NAMPT: variants seen among roughly 807,000 people sequenced by gnomAD.
NAMPT encodes nicotinamide phosphoribosyltransferase.
In NAMPT, 7 loss-of-function variants were observed where a neutral mutation model predicts 58.7. The ratio of observed to expected loss-of-function variants is 0.12; its 90% CI spans 0.07 to 0.22. The LOEUF (loss-of-function observed/expected upper bound fraction) is 0.22. Among genes scored for constraint, NAMPT ranks in the 10% least tolerant of loss-of-function variants. The pLI is 1.00. For missense variants in NAMPT, 271 were observed against 567.9 expected, an observed-to-expected ratio of 0.48 and a Z score of 5.31; for synonymous variants, 145 against 198.1, an observed-to-expected ratio of 0.73 and a Z score of 2.25.
At chr7:106,282,657 A>G (rs1170716824) in intron 1 of NAMPT, among the ~76,000 whole-genome samples, 2 of 152,246 alleles carry the variant, frequency 1.3e-5, no homozygotes, top group Non-Finnish European at 2.9e-5. Flanking sequence ...TTGACAGGAT[A>G]CAAGACAAAA....
At position 106,264,736 on chromosome 7, in the gene NAMPT, C is replaced by T. The variant is rs144831008; in HGVS notation, c.744-1119G>A. Among the ~76,000 whole-genome samples, 83 of 152,066 alleles carry T rather than the reference C, an allele frequency of 5.5e-4. 1 individual carries two copies. Among genetic ancestry groups the T allele is most frequent in the African/African-American group, 1.7e-3 (72 of 41,506 alleles). On this transcript the variant is annotated intron_variant, in intron 6 of 10. Coordinates refer to ENST00000222553, the MANE Select transcript of NAMPT (RefSeq NM_005746.3). The stretch of plus-strand genomic sequence containing the variant: ...GGTCATTCTCCCTAATTTTCTAGTC[C>T]GCCTCTAATCTGTTCTCCTCAGTAA...
At chr7:106,268,049 T>A (rs1404807326) in intron 6 of NAMPT, among the ~76,000 whole-genome samples, 1 of 151,864 alleles carries the variant, frequency 6.6e-6, no homozygotes. Context: ...CATCTACAAC[T>A]GAAGGTACAG....
At position 106,272,525 on chromosome 7, in the gene NAMPT, T is replaced by C. The variant is rs1208302053; in HGVS notation, c.447+5A>G. 6.2e-7 allele frequency: 1 copy of C among 1,604,764 alleles called. No individual in the cohort carries two copies. The highest frequency in any genetic ancestry group is 1.3e-5 in the African/African-American group (1 of 74,384). On this transcript the variant is annotated splice_donor_5th_base_variant and intron_variant, in intron 4 of 10. Coordinates refer to ENST00000222553, the MANE Select transcript of NAMPT (RefSeq NM_005746.3). Reference sequence around the variant, plus strand: ...TGTTAAATAAGAATTAAAAAAACAATTTACCTCAATCCAATTTGTAAGCCA... The same window carrying C: ...TGTTAAATAAGAATTAAAAAAACAACTTACCTCAATCCAATTTGTAAGCCA...
chr7:106,284,914 G>C lies in NAMPT; in HGVS notation c.-30C>G. The stretch of plus-strand genomic sequence containing the variant: ...GGCCGGAGGACAGGGGCCGCGCGCC[G>C]CGAGCTCCCTGGCGCGGCTGCGAGG... On this transcript the variant is annotated 5_prime_UTR_variant, in exon 1 of 11. Coordinates refer to ENST00000222553, the MANE Select transcript of NAMPT (RefSeq NM_005746.3). 1.3e-6 allele frequency: 2 copies of C among 1,571,926 alleles called. No individual in the cohort carries two copies. Among genetic ancestry groups the C allele is most frequent in the Non-Finnish European group, 1.7e-6 (2 of 1,157,676 alleles).
intron 1 of NAMPT, 115 bp from the exon 2 acceptor site, chr7:106,277,294 T>G: frequency 1.1e-6 from 1 of 877,050 alleles, no homozygotes; most frequent in East Asian, 2.6e-5. Flanking sequence ...TGTTTGCTAT[T>G]AACCAGTTTC....
intron 8 of NAMPT, among the ~76,000 whole-genome samples, chr7:106,256,055 G>A (rs1792193202): frequency 6.6e-6 from 1 of 152,136 alleles, no homozygotes; most frequent in Admixed American, 6.5e-5. Flanking sequence ...TGAATTTTGA[G>A]TCTGGGAAGA....
At chr7:106,272,103 TA>T in intron 4 of NAMPT, 2 of 390,712 alleles carry the variant, frequency 5.1e-6, no homozygotes, top group Admixed American at 3.8e-5. Context: ...TCCTAAGACC[TA>T]AACTGATGAG....
chr7:106,261,659 C>T lies in NAMPT; in HGVS notation c.1018G>A (p.Gly340Ser), dbSNP rs780585001. 1.9e-6 allele frequency: 3 copies of T among 1,599,358 alleles called. No homozygotes were observed. Among genetic ancestry groups the T allele is most frequent in the African/African-American group, 2.7e-5 (2 of 74,520 alleles). ...KKFPVTENSKGYKLLPPYLRV... is the reference protein window; with the variant it reads ...KKFPVTENSKSYKLLPPYLRV... The stretch of plus-strand genomic sequence containing the variant: ...AGATAAGGTGGCAGCAACTTGTAAC[C>T]CTTTGAGTTCTCAGTAACAGGAAAC... Residue 340 changes from glycine to serine, a missense_variant, in exon 8 of 11, where the codon GGT becomes AGT. Physicochemically the swap from Gly to Ser is moderately conservative, Grantham distance 56. This residue lies in a region of NAMPT where 143 missense variants were observed against 331.1 expected (regional missense o/e 0.43). Transcript: ENST00000222553.
At chr7:106,276,929 TCCAAATTA>T in intron 2 of NAMPT, 86 bp downstream of exon 2, 1 of 1,006,096 alleles carries the variant, frequency 9.9e-7, no homozygotes, top group Non-Finnish European at 1.5e-6. Context: ...ATTTAATGCA[TCCAAATTA>T]ACAGATTTGT....
intron 1 of NAMPT, among the ~76,000 whole-genome samples, chr7:106,283,623 T>C (rs779509624): frequency 3.3e-5 from 5 of 152,212 alleles, no homozygotes; most frequent in Admixed American, 6.5e-5. Flanking sequence ...TCACGTATAC[T>C]TGACAATATT....
chr7:106,257,148 A>G (rs1264843074), intron 8 of NAMPT, among the ~76,000 whole-genome samples: 1 of 151,602 alleles, frequency 6.6e-6, no homozygotes, highest in Non-Finnish European at 1.5e-5. Flanking sequence ...CCATCTCAAA[A>G]AAAAAAAAGA....
chr7:106,285,007 GA>G (rs1182998414), upstream of NAMPT: 39 of 1,453,032 alleles, frequency 2.7e-5, no homozygotes, highest in South Asian at 1.6e-4. Context: ...AGGAGGGGGA[GA>G]GGGGGAAACG....
Position 106,248,898 on chromosome 7 carries a change from A to T in NAMPT, c.*2185T>A, listed in dbSNP as rs1303880870. 4 of 152,116 alleles carry T rather than the reference A, an allele frequency of 2.6e-5. No individual in the cohort carries two copies. Among genetic ancestry groups the T allele is most frequent in the Non-Finnish European group, 5.9e-5 (4 of 67,978 alleles). The allele number at this position is 152,116 out of a possible 1,614,324, so 9.4% of individuals were successfully genotyped here. A position where few individuals can be genotyped will look rare whatever the true frequency, so the allele number is the denominator to read the frequency against. ...ATCAGTTCCAAGTGACTAAGAGCCA[A>T]TAGAATTAATCTCCATCTCCTGATT... On this transcript the variant is annotated 3_prime_UTR_variant, in exon 11 of 11. Coordinates refer to ENST00000222553, the MANE Select transcript of NAMPT (RefSeq NM_005746.3).
chr7:106,276,984 TA>T, intron 2 of NAMPT, 38 bp downstream of exon 2: 1 of 1,467,512 alleles, frequency 6.8e-7, no homozygotes, highest in Non-Finnish European at 9.5e-7. Context: ...GAGTTAAGAG[TA>T]ATAAGCAGTG....
chr7:106,249,284 A>G lies in NAMPT; in HGVS notation c.*1799T>C, dbSNP rs943287331. 11 of 152,542 alleles carry G rather than the reference A, an allele frequency of 7.2e-5. No homozygotes were observed. Among genetic ancestry groups the G allele is most frequent in the African/African-American group, 2.7e-4 (11 of 41,430 alleles). The allele number at this position is 152,542 out of a possible 1,614,324, so 9.4% of individuals were successfully genotyped here. On this transcript the variant is annotated 3_prime_UTR_variant, in exon 11 of 11. Coordinates refer to ENST00000222553, the MANE Select transcript of NAMPT (RefSeq NM_005746.3). ...ATGTTTAAAGAACCATCTGAAAAAC[A>G]TATTCTTTCTAATACCACTTACAAA...
upstream of NAMPT, chr7:106,285,675 T>C (rs973863455): frequency 1.3e-5 from 10 of 778,322 alleles, no homozygotes; most frequent in Admixed American, 1.3e-4. Context: ...TTTCATCTGA[T>C]GCAGCGACTC....
intron 1 of NAMPT, among the ~76,000 whole-genome samples, chr7:106,283,402 T>C (rs1792802843): frequency 6.6e-6 from 1 of 152,148 alleles, no homozygotes; most frequent in African/African-American, 2.4e-5. Context: ...GTTTTTAAAA[T>C]TTAGACTATT....
chr7:106,253,694 T>G (rs1792143901), intron 9 of NAMPT: 2 of 153,470 alleles, frequency 1.3e-5, no homozygotes, highest in African/African-American at 2.4e-5. Flanking sequence ...AGCAGAGTGT[T>G]TCTACATCAG....
chr7:106,263,199 T>C (rs746756600), intron 7 of NAMPT, 193 bp downstream of exon 7: 5 of 542,926 alleles, frequency 9.2e-6, no homozygotes, highest in African/African-American at 1.9e-5. Flanking sequence ...AAACAATCCA[T>C]AAGTCTTGGT....
Sources: allele counts gnomAD v4.1 joint callset (sites outside exome capture counted in the v4.1 genomes callset), GRCh38; gene constraint gnomAD v4.1.1; regional missense constraint gnomAD v4.1.1; transcripts MANE v1.5; gene names NCBI Gene and HGNC (gene_info 2026-07-23, HGNC 2026-07-21).